PPFIA2: variants seen among roughly 807,000 people sequenced by gnomAD.
PPFIA2 encodes the protein liprin-alpha-2.
PPFIA2 carries 46 observed loss-of-function variants against 175.5 expected under a neutral mutation model. The observed-to-expected ratio is 0.26, with a 90% CI of 0.21 to 0.34. PPFIA2 has a LOEUF of 0.34. Among genes scored for constraint, PPFIA2 ranks in the 10% least tolerant of loss-of-function variants. The pLI, the probability that PPFIA2 is intolerant of heterozygous loss-of-function variation, is 1.00. For missense variants in PPFIA2, 1,179 were observed against 1,506.1 expected (o/e 0.78, Z 3.60); for synonymous variants, 568 against 511.4 (o/e 1.11, Z -1.49).
At chr12:81,478,645 T>C (rs2057791871) in intron 4 of PPFIA2, among the ~76,000 whole-genome samples, 1 of 152,200 alleles carries the variant, frequency 6.6e-6, no homozygotes, top group Admixed American at 6.5e-5. Context: ...TCAAAGAACT[T>C]ATTTATTTCT....
intron 17 of PPFIA2, among the ~76,000 whole-genome samples, chr12:81,349,363 A>G (rs2059625746): frequency 6.6e-6 from 1 of 152,212 alleles, no homozygotes; most frequent in Admixed American, 6.5e-5. Context: ...TTAAAACATT[A>G]TGAGGCACAT....
intron 30 of PPFIA2, among the ~76,000 whole-genome samples, chr12:81,264,943 T>G (rs1350659515): frequency 6.6e-6 from 1 of 151,722 alleles, no homozygotes; most frequent in Non-Finnish European, 1.5e-5. Context: ...TAAAACACTA[T>G]GTTACACTGT....
intron 4 of PPFIA2, among the ~76,000 whole-genome samples, chr12:81,541,514 T>C (rs1006146395): frequency 1.3e-5 from 2 of 152,112 alleles, no homozygotes; most frequent in African/African-American, 4.8e-5. Context: ...TCAGTTTTGG[T>C]GATTTCCCAG....
At chr12:81,634,151 A>C (rs2063720861) in intron 4 of PPFIA2, among the ~76,000 whole-genome samples, 1 of 152,096 alleles carries the variant, frequency 6.6e-6, no homozygotes. Context: ...ACATTGCAAT[A>C]GCAGGTTTTG....
chr12:81,503,267 C>T, intron 4 of PPFIA2, among the ~76,000 whole-genome samples: 1 of 151,766 alleles, frequency 6.6e-6, no homozygotes, highest in Non-Finnish European at 1.5e-5. Context: ...CTTCACCCTC[C>T]AAATAGTCCT....
intron 21 of PPFIA2, among the ~76,000 whole-genome samples, chr12:81,338,857 C>A (rs1254138838): frequency 6.6e-6 from 1 of 152,052 alleles, no homozygotes; most frequent in Non-Finnish European, 1.5e-5. Flanking sequence ...ATTATTTACT[C>A]ATTAATAAAA....
At chr12:81,655,006 T>TA (rs2067556783) in intron 4 of PPFIA2, among the ~76,000 whole-genome samples, 1 of 152,144 alleles carries the variant, frequency 6.6e-6, no homozygotes, top group African/African-American at 2.4e-5. Flanking sequence ...AAGTATCACC[T>TA]GAATTTTTTA....
At chr12:81,393,613 C>T (rs2040557128) in intron 8 of PPFIA2, among the ~76,000 whole-genome samples, 1 of 151,988 alleles carries the variant, frequency 6.6e-6, no homozygotes, top group Non-Finnish European at 1.5e-5. Context: ...CAGATTGCTC[C>T]CCTTTCAATT....
intron 7 of PPFIA2, among the ~76,000 whole-genome samples, chr12:81,432,288 G>C (rs2048226546): frequency 6.6e-6 from 1 of 151,936 alleles, no homozygotes; most frequent in Admixed American, 6.6e-5. Context: ...TTAACAAATA[G>C]ATAGGGTCTC....
At chr12:81,548,045 A>G (rs1030102643) in intron 4 of PPFIA2, among the ~76,000 whole-genome samples, 1 of 152,194 alleles carries the variant, frequency 6.6e-6, no homozygotes. Flanking sequence ...CATTTCAATC[A>G]GCTTTCCAAA....
At chr12:81,452,041 A>C (rs908714338) in intron 5 of PPFIA2, among the ~76,000 whole-genome samples, 3 of 152,022 alleles carry the variant, frequency 2.0e-5, no homozygotes, top group African/African-American at 7.2e-5. Flanking sequence ...CTATGTTTGA[A>C]TTTTCTTTAA....
At chr12:81,691,905 T>C (rs1479706242) in intron 3 of PPFIA2, among the ~76,000 whole-genome samples, 2 of 152,108 alleles carry the variant, frequency 1.3e-5, no homozygotes, top group African/African-American at 4.8e-5. Flanking sequence ...AGGAAGACTC[T>C]AAAATGGTTC....
At chr12:81,383,356 G>A (rs1384888691) in intron 9 of PPFIA2, among the ~76,000 whole-genome samples, 1 of 152,082 alleles carries the variant, frequency 6.6e-6, no homozygotes, top group Non-Finnish European at 1.5e-5. Context: ...CTGAAAAGGT[G>A]AAAAAGTGAA....
At chr12:81,322,338 G>A (rs1317740884) in intron 22 of PPFIA2, among the ~76,000 whole-genome samples, 1 of 152,076 alleles carries the variant, frequency 6.6e-6, no homozygotes, top group African/African-American at 2.4e-5. Context: ...GAGGTGCCTG[G>A]AGTTCAAAGA....
At chr12:81,497,435 T>C (rs773576428) in intron 4 of PPFIA2, among the ~76,000 whole-genome samples, 1 of 152,036 alleles carries the variant, frequency 6.6e-6, no homozygotes, top group Non-Finnish European at 1.5e-5. Flanking sequence ...GGTATATGAG[T>C]TAACATAGGA....
chr12:81,300,108 A>G lies in PPFIA2; in HGVS notation c.2643-726T>C, dbSNP rs543649888. 3.3e-5 allele frequency among the ~76,000 whole-genome samples: 5 copies of G among 152,306 alleles called. No individual in the cohort carries two copies. In the East Asian group the frequency reaches 5.8e-4, roughly 18 times the overall value. ...CAAAAGATGCAAAAGAACTCTGAAA[A>G]ATGCATCTATAATTTCACTGACCCT... On this transcript the variant is annotated intron_variant, in intron 22 of 32. Transcript: ENST00000549396.
intron 4 of PPFIA2, among the ~76,000 whole-genome samples, chr12:81,537,331 A>G (rs1232604630): frequency 2.0e-5 from 3 of 151,856 alleles, no homozygotes; most frequent in African/African-American, 7.2e-5. Context: ...CCATCTCCTT[A>G]TTTCAACACT....
intron 4 of PPFIA2, among the ~76,000 whole-genome samples, chr12:81,629,041 C>G (rs1438395881): frequency 6.6e-6 from 1 of 152,146 alleles, no homozygotes; most frequent in African/African-American, 2.4e-5. Flanking sequence ...CTTTCTACCT[C>G]TTCCAGAAGG....
chr12:81,520,856 A>G (rs1232941969), intron 4 of PPFIA2, among the ~76,000 whole-genome samples: 1 of 152,194 alleles, frequency 6.6e-6, no homozygotes, highest in East Asian at 1.9e-4. Flanking sequence ...AGAGAGAGTA[A>G]GTAGGCAGGA....
Sources: gnomAD v4.1 joint callset for allele counts (sites outside exome capture counted in the v4.1 genomes callset) on GRCh38, gnomAD v4.1.1 for gene constraint, MANE v1.5 for transcripts, NCBI Gene and HGNC (gene_info 2026-07-23, HGNC 2026-07-21) for gene names.